The following MEI1 variants were observed in gnomAD, a reference collection of about 807,000 sequenced individuals.
MEI1 encodes meiosis inhibitor protein 1.
Under a neutral mutation model 146.2 loss-of-function variants are expected in MEI1, and 103 were observed. The ratio of observed to expected loss-of-function variants is 0.70; its 90% CI spans 0.60 to 0.83. The LOEUF is 0.83. Among genes scored for constraint, MEI1 ranks in the 40% least tolerant of loss-of-function variants. MEI1 has a pLI of 0.00. For missense variants in MEI1, 1,529 were observed against 1,533.0 expected, an observed-to-expected ratio of 1.00 and a Z score of 0.04; for synonymous variants, 652 against 628.2, an observed-to-expected ratio of 1.04 and a Z score of -0.57.
intron 26 of MEI1, among the ~76,000 whole-genome samples, chr22:41,788,062 G>A (rs771434855): frequency 6.6e-6 from 1 of 152,080 alleles, no homozygotes; most frequent in Non-Finnish European, 1.5e-5. Context: ...ATGGAGTCTC[G>A]CTCTGTCACC....
intron 26 of MEI1, among the ~76,000 whole-genome samples, chr22:41,788,736 C>T (rs2076074637): frequency 6.6e-6 from 1 of 152,166 alleles, no homozygotes; most frequent in Non-Finnish European, 1.5e-5. Context: ...CCAACGTGCC[C>T]AGCCACCAGT....
chr22:41,709,278 T>C (rs2069349552), intron 3 of MEI1: 3 of 820,154 alleles, frequency 3.7e-6, no homozygotes, highest in Non-Finnish European at 6.3e-6. Flanking sequence ...GCATCTCCAT[T>C]TTCTGCAGGG....
chr22:41,788,632 G>A (rs1200045776), intron 26 of MEI1, among the ~76,000 whole-genome samples: 2 of 151,708 alleles, frequency 1.3e-5, no homozygotes, highest in South Asian at 2.1e-4. Flanking sequence ...GTAGAGACAG[G>A]GTTTCACCAT....
At chr22:41,782,747 G>C (rs1007155219) in intron 24 of MEI1, among the ~76,000 whole-genome samples, 1 of 152,166 alleles carries the variant, frequency 6.6e-6, no homozygotes, top group South Asian at 2.1e-4. Context: ...CTAATTTTCC[G>C]TGTGAGGCTG....
chr22:41,756,607 A>G (rs2074108493), intron 17 of MEI1, among the ~76,000 whole-genome samples: 1 of 151,526 alleles, frequency 6.6e-6, no homozygotes, highest in Admixed American at 6.6e-5. Flanking sequence ...CTGAGTAGCT[A>G]GGACTACAGG....
At position 41,758,467 on chromosome 22, in the gene MEI1, G is replaced by T. The variant is rs375020841; in HGVS notation, c.2054G>T (p.Gly685Val). 97 of 1,613,840 alleles carry T rather than the reference G, an allele frequency of 6.0e-5. 1 individual carries two copies. In the African/African-American group the frequency reaches 1.2e-3, roughly 20 times the overall value. Residue 685 changes from glycine (G) to valine (V), a missense_variant, in exon 18 of 31, where the codon GGA (glycine) becomes GTA (valine). Physicochemically the swap from Gly to Val is moderately radical, Grantham distance 109. This residue lies in a region of MEI1 where 1,212 missense variants were observed against 1,178.9 expected (regional missense o/e 1.03). Coordinates refer to ENST00000401548, the MANE Select transcript of MEI1 (RefSeq NM_152513.4). ...AFLSDRQYME[G>V]AARQRQYCIL... ...CTGTCTGATCGCCAGTACATGGAGGGAGCTGCTCGCCAGAGACAGTACTGC... is the reference window on the plus strand; with the variant it reads ...CTGTCTGATCGCCAGTACATGGAGGTAGCTGCTCGCCAGAGACAGTACTGC...
At chr22:41,724,719 A>G (rs1177013656) in intron 7 of MEI1, among the ~76,000 whole-genome samples, 2 of 151,642 alleles carry the variant, frequency 1.3e-5, no homozygotes, top group African/African-American at 4.9e-5. Context: ...CGAACCCAGG[A>G]GGCGGAGGTT....
Position 41,712,671 on chromosome 22 carries a change from G to GGTGTGTGT in MEI1, c.350-1331_350-1330insGTGTGTGT, listed in dbSNP as rs1191178804. On this transcript the variant is annotated intron_variant, in intron 3 of 30. Transcript: ENST00000401548. ...ATTTAAGTATATTTAAATAGAAATA[G>GGTGTGTGT]ATGTGTGTGTGTGTGTGTGTGTGTG... 7.9e-3 allele frequency among the ~76,000 whole-genome samples: 446 copies of GGTGTGTGT among 56,254 alleles called. 2 individuals are homozygous for GGTGTGTGT. Among genetic ancestry groups the GGTGTGTGT allele is most frequent in the African/African-American group, 0.029 (419 of 14,566 alleles). 36.9% of individuals were successfully genotyped at this position (56,254 alleles called of 152,430 possible). A position where few individuals can be genotyped will look rare whatever the true frequency, so the allele number is the denominator to read the frequency against.
chr22:41,725,366 C>A (rs528523402), intron 7 of MEI1, among the ~76,000 whole-genome samples: 1 of 152,178 alleles, frequency 6.6e-6, no homozygotes, highest in East Asian at 1.9e-4. Flanking sequence ...CCTGCCTCGG[C>A]CTCCCAAAAT....
At chr22:41,796,971 A>C (rs138719378) in intron 30 of MEI1, among the ~76,000 whole-genome samples, 3 of 152,302 alleles carry the variant, frequency 2.0e-5, no homozygotes, top group African/African-American at 7.2e-5. Context: ...ATTTTGTTTC[A>C]TGAATAAAAT....
chr22:41,699,663 G>T lies in MEI1; in HGVS notation c.125G>T (p.Arg42Leu), dbSNP rs374969843. 25 of 1,590,864 alleles carry T rather than the reference G, an allele frequency of 1.6e-5. No individual in the cohort carries two copies. Among genetic ancestry groups the T allele is most frequent in the Non-Finnish European group, 1.4e-5 (16 of 1,168,992 alleles). The change falls in exon 1 of 31, where the codon CGC becomes CTC. Residue 42 changes from arginine (R) to leucine (L), a missense_variant. Transcript: ENST00000401548. ...DPRWLLPVTP[R>L]LCLACALELL... ...CGCTGGCTGCTGCCCGTGACCCCCC[G>T]CCTGTGCCTGGCCTGCGCGCTGGAG... is the stretch of plus-strand genomic sequence containing the variant.
At chr22:41,781,640 C>A in intron 23 of MEI1, 45 bp from the exon 24 acceptor site, 1 of 1,596,126 alleles carries the variant, frequency 6.3e-7, no homozygotes, top group Non-Finnish European at 8.5e-7. Flanking sequence ...TTAGCTGAAG[C>A]TCCTCTGTAA....
intron 21 of MEI1, among the ~76,000 whole-genome samples, chr22:41,776,698 T>C (rs780211291): frequency 3.2e-4 from 49 of 152,178 alleles, no homozygotes; most frequent in Non-Finnish European, 5.1e-4. Context: ...TTTCCAAATC[T>C]GGAATGGTAC....
rs772123518 is a variant in MEI1 at position 41,770,842 on chromosome 22, G to C, written c.2425G>C (p.Glu809Gln). ...CCTGGAACTTTGGTTCTTCTGGGAA[G>C]AGAGCAGCTATGAGGAACTGGATGA... ...RVLELWFFWE[E>Q]SSYEELDDVT... is the part of the protein sequence containing the mutation. Residue 809 changes from glutamate (E) to glutamine (Q), a missense_variant, in exon 20 of 31, where the codon GAG becomes CAG. Physicochemically the swap from Glu to Gln is conservative, Grantham distance 29 (BLOSUM62 2). This residue lies in a region of MEI1 where 1,212 missense variants were observed against 1,178.9 expected (regional missense o/e 1.03). Coordinates refer to ENST00000401548, the MANE Select transcript of MEI1 (RefSeq NM_152513.4). 1 of 1,614,000 alleles carries C rather than the reference G, an allele frequency of 6.2e-7. No individual in the cohort carries two copies. Among genetic ancestry groups the C allele is most frequent in the Non-Finnish European group, 8.5e-7 (1 of 1,179,902 alleles).
chr22:41,742,846 G>C (rs1006753715), intron 11 of MEI1, among the ~76,000 whole-genome samples: 1 of 152,130 alleles, frequency 6.6e-6, no homozygotes, highest in African/African-American at 2.4e-5. Context: ...GTTTCACCAT[G>C]TTGCCCAGGC....
chr22:41,700,757 T>G (rs2068647865), intron 1 of MEI1, among the ~76,000 whole-genome samples: 1 of 19,504 alleles, frequency 5.1e-5, no homozygotes, highest in African/African-American at 6.8e-5. Context: ...CAATTTTTTT[T>G]TTTTTTTTTT....
intron 19 of MEI1, chr22:41,767,484 G>A (rs2074930003): frequency 1.8e-5 from 8 of 441,620 alleles, no homozygotes; most frequent in Non-Finnish European, 4.6e-6. Flanking sequence ...TGTGTCTGAG[G>A]ATCCCCAATA....
At chr22:41,776,505 A>C (rs1250156091) in intron 21 of MEI1, among the ~76,000 whole-genome samples, 1 of 152,230 alleles carries the variant, frequency 6.6e-6, no homozygotes, top group East Asian at 1.9e-4. Flanking sequence ...TGATGTGTGC[A>C]TGCATATCCC....
chr22:41,744,256 C>T (rs1051686659), intron 12 of MEI1, among the ~76,000 whole-genome samples: 44 of 151,936 alleles, frequency 2.9e-4, no homozygotes, highest in African/African-American at 9.4e-4. Context: ...CTGCAACCTT[C>T]GCCTCCGGGG....
Sources: gnomAD v4.1 joint callset for allele counts (sites outside exome capture counted in the v4.1 genomes callset) on GRCh38, gnomAD v4.1.1 for gene constraint, gnomAD v4.1.1 regional missense constraint, MANE v1.5 for transcripts, NCBI Gene and HGNC (gene_info 2026-07-23, HGNC 2026-07-21) for gene names.